RBFOX1: variants seen among roughly 807,000 people sequenced by gnomAD.
RBFOX1 encodes RNA binding fox-1 homolog 1, also known as RNA binding protein fox-1 homolog 1.
RBFOX1 carries 8 observed loss-of-function variants against 57.7 expected under a neutral mutation model. That is an observed-to-expected ratio of 0.14 (90% CI 0.08 to 0.25). The LOEUF is 0.25. Among genes scored for constraint, RBFOX1 ranks in the 10% least tolerant of loss-of-function variants. RBFOX1 has a pLI of 1.00. For missense variants in RBFOX1, 611 were observed against 548.5 expected (o/e 1.11, Z -1.14); for synonymous variants, 326 against 222.4 (o/e 1.47, Z -4.15).
chr16:6,449,074 A>G (rs529967080), intron 2 of RBFOX1, among the ~76,000 whole-genome samples: 1 of 152,308 alleles, frequency 6.6e-6, no homozygotes, highest in African/African-American at 2.4e-5. Context: ...TTGTAAGTAT[A>G]TGTACATCAT....
intron 5 of RBFOX1, among the ~76,000 whole-genome samples, chr16:7,544,356 C>T (rs1048276493): frequency 2.6e-5 from 4 of 152,026 alleles, no homozygotes; most frequent in African/African-American, 9.7e-5. Flanking sequence ...AATTAGTGTC[C>T]CCCCAAATTT....
Position 6,345,028 on chromosome 16 carries a change from G to A in RBFOX1, c.-64+27971G>A, listed in dbSNP as rs537859094. 9.2e-5 allele frequency among the ~76,000 whole-genome samples: 14 copies of A among 152,116 alleles called. No homozygotes were observed. The East Asian group carries it at 2.3e-3, about 25-fold the overall frequency. On this transcript the variant is annotated intron_variant, in intron 2 of 15. Coordinates refer to ENST00000550418, the MANE Select transcript of RBFOX1 (RefSeq NM_018723.4). Reference sequence around the variant, plus strand: ...TTGTAAAACAAGAACAATATATGGCGGCTTTTAGGGTGTTATGATGATACA... The same window carrying A: ...TTGTAAAACAAGAACAATATATGGCAGCTTTTAGGGTGTTATGATGATACA...
chr16:5,318,183 C>T (rs1035076396), intron 1 of RBFOX1, among the ~76,000 whole-genome samples: 3 of 152,164 alleles, frequency 2.0e-5, no homozygotes, highest in African/African-American at 7.2e-5. Context: ...GGCTGGAGTG[C>T]AGTGACACGA....
At chr16:7,015,797 A>G (rs1350297069) in intron 3 of RBFOX1, among the ~76,000 whole-genome samples, 1 of 151,978 alleles carries the variant, frequency 6.6e-6, no homozygotes, top group Non-Finnish European at 1.5e-5. Context: ...CTGACTAATA[A>G]CATTTTCTGA....
intron 3 of RBFOX1, among the ~76,000 whole-genome samples, chr16:5,760,507 A>G (rs1169470934): frequency 2.0e-5 from 3 of 152,162 alleles, no homozygotes; most frequent in South Asian, 2.1e-4. Context: ...AAAGAACCCC[A>G]TTTCCATCAA....
At chr16:7,004,464 G>A (rs1053884260) in intron 3 of RBFOX1, among the ~76,000 whole-genome samples, 5 of 152,118 alleles carry the variant, frequency 3.3e-5, no homozygotes, top group Non-Finnish European at 5.9e-5. Context: ...TGGATTTGAA[G>A]GTTTGGAGCC....
intron 2 of RBFOX1, among the ~76,000 whole-genome samples, chr16:5,561,858 C>G (rs1448766768): frequency 6.6e-6 from 1 of 152,090 alleles, no homozygotes; most frequent in Non-Finnish European, 1.5e-5. Flanking sequence ...GGTCATGACC[C>G]TGGAATTAAT....
rs376605474 is a variant in RBFOX1 at position 5,287,662 on chromosome 16, C to G, written c.219+47557C>G. On this transcript the variant is annotated intron_variant, in intron 1 of 2. Transcript: ENST00000585867. ...CTTTGCTCTTGGTGTCTCTTATCTT[C>G]CGCTGGAAGCTGCAGGCTGGCCTGG... Among the ~76,000 whole-genome samples the G allele has an allele frequency of 3.3e-4, 51 of 152,276 alleles. No homozygotes were observed. In the East Asian group the frequency reaches 4.8e-3, roughly 14 times the overall value.
intron 2 of RBFOX1, among the ~76,000 whole-genome samples, chr16:5,470,396 G>A (rs1396702854): frequency 1.3e-5 from 2 of 152,168 alleles, no homozygotes; most frequent in African/African-American, 2.4e-5. Flanking sequence ...CTAAACGTTG[G>A]GAAGTCTGTG....
At chr16:5,985,301 A>G (rs1402656245) in intron 4 of RBFOX1, among the ~76,000 whole-genome samples, 1 of 147,712 alleles carries the variant, frequency 6.8e-6, no homozygotes, top group East Asian at 2.1e-4. Flanking sequence ...CAACTCCATC[A>G]TAATCTTATG....
intron 3 of RBFOX1, among the ~76,000 whole-genome samples, chr16:5,769,014 C>G (rs1460628916): frequency 6.6e-6 from 1 of 151,410 alleles, no homozygotes; most frequent in South Asian, 2.1e-4. Flanking sequence ...TAGTGAGTGT[C>G]AAACAATTTT....
intron 3 of RBFOX1, among the ~76,000 whole-genome samples, chr16:6,932,552 A>C (rs2076734376): frequency 1.3e-5 from 2 of 152,198 alleles, no homozygotes; most frequent in African/African-American, 2.4e-5. Flanking sequence ...CCTATATGGT[A>C]GGTGAGTTAG....
intron 4 of RBFOX1, among the ~76,000 whole-genome samples, chr16:7,092,403 C>T (rs2061005467): frequency 6.6e-6 from 1 of 152,246 alleles, no homozygotes; most frequent in Non-Finnish European, 1.5e-5. Context: ...TGAGATCACA[C>T]TGCTTTAGAA....
chr16:5,353,913 T>C (rs1301275829), intron 1 of RBFOX1, among the ~76,000 whole-genome samples: 1 of 148,572 alleles, frequency 6.7e-6, no homozygotes, highest in Non-Finnish European at 1.5e-5. Context: ...GGGAGAAGCT[T>C]TGGAAACACA....
At chr16:7,587,431 C>A in intron 7 of RBFOX1, 131 bp downstream of exon 7, 2 of 964,408 alleles carry the variant, frequency 2.1e-6, no homozygotes, top group Non-Finnish European at 2.8e-6. Flanking sequence ...CCTTTAGAGA[C>A]CACCTTCCGT....
At chr16:7,502,906 C>G (rs1424388374) in intron 4 of RBFOX1, among the ~76,000 whole-genome samples, 3 of 152,090 alleles carry the variant, frequency 2.0e-5, no homozygotes, top group African/African-American at 7.2e-5. Flanking sequence ...GCCTGTAATC[C>G]TAGCTACTCG....
At chr16:7,504,361 G>T (rs924608583) in intron 4 of RBFOX1, among the ~76,000 whole-genome samples, 2 of 151,860 alleles carry the variant, frequency 1.3e-5, no homozygotes, top group Non-Finnish European at 2.9e-5. Context: ...CATCATTAAC[G>T]TGATTAATCT....
intron 4 of RBFOX1, among the ~76,000 whole-genome samples, chr16:5,928,441 G>C (rs933221208): frequency 6.6e-6 from 1 of 151,844 alleles, no homozygotes; most frequent in African/African-American, 2.4e-5. Flanking sequence ...TGAGATGATG[G>C]ATATGCTAAT....
intron 2 of RBFOX1, among the ~76,000 whole-genome samples, chr16:5,582,776 G>T (rs568533523): frequency 7.2e-5 from 11 of 152,132 alleles, no homozygotes; most frequent in Non-Finnish European, 1.5e-4. Context: ...GATGACCCTG[G>T]GAAGTTCATT....
Sources: allele counts gnomAD v4.1 joint callset (sites outside exome capture counted in the v4.1 genomes callset), GRCh38; gene constraint gnomAD v4.1.1; transcripts MANE v1.5; gene names NCBI Gene and HGNC (gene_info 2026-07-23, HGNC 2026-07-21).